CCSER1: variants seen among roughly 807,000 people sequenced by gnomAD.
CCSER1 encodes coiled-coil serine rich protein 1.
A neutral mutation model predicts 82.0 loss-of-function variants in CCSER1; 41 were observed. The observed-to-expected ratio is 0.50, with a 90% CI of 0.39 to 0.65. CCSER1 has a LOEUF of 0.65. CCSER1 is among the 30% of genes least tolerant of loss of function. The pLI is 0.00. For synonymous variants in CCSER1, 414 were observed against 383.9 expected (o/e 1.08, Z -0.92); for missense variants, 1,119 against 1,064.2 (o/e 1.05, Z -0.72).
At chr4:91,586,926 T>A (rs1184689792) in intron 10 of CCSER1, among the ~76,000 whole-genome samples, 1 of 151,778 alleles carries the variant, frequency 6.6e-6, no homozygotes, top group Non-Finnish European at 1.5e-5. Flanking sequence ...TTATATTTTG[T>A]GGGTATTCCA....
At chr4:91,476,336 C>T (rs1401542756) in intron 10 of CCSER1, among the ~76,000 whole-genome samples, 1 of 151,660 alleles carries the variant, frequency 6.6e-6, no homozygotes, top group East Asian at 1.9e-4. Flanking sequence ...GACATTTTAA[C>T]TGGGATGATA....
At chr4:90,497,280 A>C (rs1247162120) in intron 5 of CCSER1, among the ~76,000 whole-genome samples, 1 of 152,188 alleles carries the variant, frequency 6.6e-6, no homozygotes, top group Non-Finnish European at 1.5e-5. Flanking sequence ...AAATGAGAAC[A>C]TAGTTCTGAT....
intron 5 of CCSER1, among the ~76,000 whole-genome samples, chr4:90,581,301 A>C (rs370324202): frequency 6.6e-6 from 1 of 152,160 alleles, no homozygotes; most frequent in African/African-American, 2.4e-5. Flanking sequence ...CTATGAGCAC[A>C]TGTAAAAGAT....
chr4:90,394,418 G>C (rs1443299809), intron 3 of CCSER1, among the ~76,000 whole-genome samples: 1 of 152,146 alleles, frequency 6.6e-6, no homozygotes, highest in African/African-American at 2.4e-5. Flanking sequence ...GATTACATGA[G>C]TAGTCAGTAT....
chr4:90,497,357 A>G (rs1769196616), intron 5 of CCSER1, among the ~76,000 whole-genome samples: 1 of 152,178 alleles, frequency 6.6e-6, no homozygotes, highest in African/African-American at 2.4e-5. Flanking sequence ...CTGTTAGATA[A>G]TTCCTATATT....
At chr4:91,435,243 C>A (rs980204864) in intron 10 of CCSER1, among the ~76,000 whole-genome samples, 1 of 151,982 alleles carries the variant, frequency 6.6e-6, no homozygotes, top group Admixed American at 6.6e-5. Context: ...AGTTTGAGAC[C>A]AGCGTAGACA....
intron 5 of CCSER1, among the ~76,000 whole-genome samples, chr4:90,492,308 G>A (rs1181663128): frequency 1.3e-5 from 2 of 152,124 alleles, no homozygotes; most frequent in Admixed American, 1.3e-4. Context: ...TTTGCATAGA[G>A]GTGTTTATAG....
intron 10 of CCSER1, among the ~76,000 whole-genome samples, chr4:91,097,865 A>T (rs181737869): frequency 6.6e-6 from 1 of 152,310 alleles, no homozygotes; most frequent in Non-Finnish European, 1.5e-5. Context: ...TCAAGAAAAT[A>T]ATGAGCATAT....
chr4:91,104,793 A>C (rs1219384919), intron 10 of CCSER1, among the ~76,000 whole-genome samples: 1 of 152,126 alleles, frequency 6.6e-6, no homozygotes, highest in Non-Finnish European at 1.5e-5. Flanking sequence ...CTGTGTTCTC[A>C]CATGCTCTTT....
At chr4:90,649,592 C>G (rs1016514349) in intron 6 of CCSER1, 2 of 152,072 alleles carry the variant, frequency 1.3e-5, no homozygotes, top group Non-Finnish European at 2.9e-5. Context: ...ATCTGCCAGC[C>G]CCTTCATCTT....
chr4:90,621,684 A>G (rs1309802621), intron 5 of CCSER1, among the ~76,000 whole-genome samples: 2 of 152,216 alleles, frequency 1.3e-5, no homozygotes, highest in African/African-American at 2.4e-5. Context: ...TTTGACACAC[A>G]TGAATGGATG....
At chr4:90,773,330 G>T (rs916607336) in intron 7 of CCSER1, among the ~76,000 whole-genome samples, 1 of 152,124 alleles carries the variant, frequency 6.6e-6, no homozygotes, top group African/African-American at 2.4e-5. Context: ...ACTTTATAAT[G>T]CTTTTTGATT....
chr4:91,430,645 G>T (rs1176520660), intron 10 of CCSER1, among the ~76,000 whole-genome samples: 1 of 152,186 alleles, frequency 6.6e-6, no homozygotes, highest in South Asian at 2.1e-4. Context: ...AAAACATTAT[G>T]AAATGGACAC....
chr4:91,248,203 A>G (rs35659455), intron 10 of CCSER1, among the ~76,000 whole-genome samples: 34,706 of 152,110 alleles, frequency 0.23, 4,686 homozygotes, highest in African/African-American at 0.36. Flanking sequence ...GCACTCATAT[A>G]TAAAGGAATA....
intron 6 of CCSER1, among the ~76,000 whole-genome samples, chr4:90,673,309 G>C (rs931174613): frequency 6.6e-6 from 1 of 151,822 alleles, no homozygotes; most frequent in East Asian, 1.9e-4. Flanking sequence ...TGCTATTTGA[G>C]CTTGAAAATT....
chr4:90,594,304 C>G (rs1783051815), intron 5 of CCSER1, among the ~76,000 whole-genome samples: 1 of 152,154 alleles, frequency 6.6e-6, no homozygotes, highest in Non-Finnish European at 1.5e-5. Context: ...GCTTTCTTCA[C>G]TTAGCACTGT....
chr4:91,451,252 G>A (rs1578491257), intron 10 of CCSER1, among the ~76,000 whole-genome samples: 3 of 152,046 alleles, frequency 2.0e-5, no homozygotes, highest in East Asian at 3.9e-4. Flanking sequence ...TACCTTGGGG[G>A]TTATAATTTC....
At chr4:91,558,426 T>TTTTG (rs1172846389) in intron 10 of CCSER1, among the ~76,000 whole-genome samples, 2 of 151,710 alleles carry the variant, frequency 1.3e-5, no homozygotes. Context: ...TGTGAGTTTT[T>TTTTG]TTTGTTTGTT....
At chr4:91,233,289 A>G (rs1368029432) in intron 10 of CCSER1, among the ~76,000 whole-genome samples, 1 of 151,918 alleles carries the variant, frequency 6.6e-6, no homozygotes, top group Admixed American at 6.6e-5. Context: ...AAATCATTTT[A>G]TTTTAATAAA....
Sources: gnomAD v4.1 joint callset for allele counts (sites outside exome capture counted in the v4.1 genomes callset) on GRCh38, gnomAD v4.1.1 for gene constraint, MANE v1.5 for transcripts, NCBI Gene and HGNC (gene_info 2026-07-23, HGNC 2026-07-21) for gene names.